GLG1: variants seen among roughly 807,000 people sequenced by gnomAD.
The protein encoded by GLG1 is Golgi apparatus protein 1.
GLG1 carries 38 observed loss-of-function variants against 160.5 expected under a neutral mutation model. The observed-to-expected ratio is 0.24, with a 90% CI of 0.18 to 0.31. The LOEUF is 0.31. GLG1 is among the 10% of genes least tolerant of loss of function. The pLI is 1.00. For missense variants in GLG1, 1,373 were observed against 1,505.2 expected, an observed-to-expected ratio of 0.91 and a Z score of 1.45; for synonymous variants, 644 against 543.4, an observed-to-expected ratio of 1.19 and a Z score of -2.57.
At chr16:74,487,787 C>T (rs1420975008) in intron 8 of GLG1, among the ~76,000 whole-genome samples, 1 of 152,160 alleles carries the variant, frequency 6.6e-6, no homozygotes, top group Non-Finnish European at 1.5e-5. Context: ...CAAATATTTA[C>T]AGGCGAAAAT....
At chr16:74,490,099 C>A (rs999579873) in intron 8 of GLG1, among the ~76,000 whole-genome samples, 1 of 152,172 alleles carries the variant, frequency 6.6e-6, no homozygotes, top group Non-Finnish European at 1.5e-5. Context: ...CTTGTGCTCC[C>A]CAAAGGAAAG....
intron 25 of GLG1, among the ~76,000 whole-genome samples, chr16:74,454,367 C>G (rs2014442146): frequency 6.6e-6 from 1 of 151,130 alleles, no homozygotes; most frequent in African/African-American, 2.4e-5. Context: ...CCATGCCTGG[C>G]TAATTAAAAA....
At chr16:74,472,597 T>G in intron 13 of GLG1, 186 bp from the exon 14 acceptor site, 1 of 1,484,804 alleles carries the variant, frequency 6.7e-7, no homozygotes, top group Non-Finnish European at 9.0e-7. Flanking sequence ...CCGTTATACT[T>G]TGAAAGGCAA....
chr16:74,492,966 C>G lies in GLG1; in HGVS notation c.1225G>C (p.Val409Leu), dbSNP rs775655830. ...AAAATATGAATGCTACCTCTGTGTA[C>G]AGCTGACTCCAGGCACATTAACAAG... ...SYLLMCLESA[V>L]HRGRQVSSEC... Residue 409 changes from valine (V) to leucine (L), a missense_variant, in exon 7 of 26, where the codon GTA becomes CTA. Val to Leu is a conservative substitution (Grantham distance 32). Transcript: ENST00000422840. The G allele has an allele frequency of 6.2e-7, 1 of 1,605,730 alleles. No individual in the cohort carries two copies. The highest frequency in any genetic ancestry group is 1.3e-5 in the African/African-American group (1 of 74,516).
intron 1 of GLG1, 38 bp downstream of exon 1, chr16:74,606,619 C>A: frequency 6.6e-7 from 1 of 1,515,798 alleles, no homozygotes; most frequent in South Asian, 1.3e-5. Context: ...CGGGCCCGCA[C>A]CAGGCCTGGC....
At chr16:74,592,481 T>C (rs1412570949) in intron 1 of GLG1, among the ~76,000 whole-genome samples, 1 of 152,142 alleles carries the variant, frequency 6.6e-6, no homozygotes, top group Non-Finnish European at 1.5e-5. Context: ...TGGAAGAAGC[T>C]CTGGAAGGAT....
At chr16:74,546,676 A>G (rs555804099) in intron 1 of GLG1, among the ~76,000 whole-genome samples, 3 of 151,558 alleles carry the variant, frequency 2.0e-5, no homozygotes, top group Admixed American at 6.6e-5. Flanking sequence ...CGTCTCTACT[A>G]AAAATACAAA....
chr16:74,553,381 G>A (rs1344047349), intron 1 of GLG1, among the ~76,000 whole-genome samples: 1 of 151,526 alleles, frequency 6.6e-6, no homozygotes, highest in Admixed American at 6.6e-5. Context: ...TTCAAAATTT[G>A]ACTATTCTGA....
intron 4 of GLG1, among the ~76,000 whole-genome samples, chr16:74,503,024 T>C (rs2016467036): frequency 1.3e-5 from 2 of 151,610 alleles, no homozygotes; most frequent in African/African-American, 4.8e-5. Flanking sequence ...CTGGCCGACA[T>C]GGCGAAACCC....
intron 2 of GLG1, among the ~76,000 whole-genome samples, chr16:74,522,158 T>C (rs1042696911): frequency 1.3e-5 from 2 of 152,256 alleles, no homozygotes; most frequent in Non-Finnish European, 2.9e-5. Flanking sequence ...AAGAAGTTAA[T>C]AGAATTCAAA....
intron 3 of GLG1, among the ~76,000 whole-genome samples, chr16:74,504,263 G>A (rs998295791): frequency 6.6e-6 from 1 of 152,086 alleles, no homozygotes; most frequent in African/African-American, 2.4e-5. Flanking sequence ...GAGGGAAGGT[G>A]TAATATTACT....
rs774865709 is a variant in GLG1 at position 74,607,074 on chromosome 16, T to C, written c.21A>G (p.Val7=). ...CCGCCGACAAGCGGAACATCCTCCG[T>C]ACACGTCCACACGCCGCCATCTTGA... MAACGR[V]RRMFRLSAAL... is the part of the protein sequence containing the mutation. Residue 7 remains valine, a synonymous_variant, in exon 1 of 26, where the codon GTA becomes GTG. Coordinates refer to ENST00000422840, the MANE Select transcript of GLG1 (RefSeq NM_001145667.2). 133 of 1,568,966 alleles carry C rather than the reference T, an allele frequency of 8.5e-5. 4 individuals carry two copies. The South Asian group carries it at 1.4e-3, about 17-fold the overall frequency.
rs1244365200 is a variant in GLG1, at chr16:74,449,652, C to T, written c.*3515G>A. The T allele has an allele frequency of 1.3e-5, 2 of 152,240 alleles. No individual in the cohort carries two copies. The highest frequency in any genetic ancestry group is 2.9e-5 in the Non-Finnish European group (2 of 68,066). The allele number at this position is 152,240 out of a possible 1,614,324, so 9.4% of individuals were successfully genotyped here. A position where few individuals can be genotyped will look rare whatever the true frequency, so the allele number is the denominator to read the frequency against. On this transcript the variant is annotated 3_prime_UTR_variant, in exon 26 of 26. Coordinates refer to ENST00000422840, the MANE Select transcript of GLG1 (RefSeq NM_001145667.2). ...CAAGAAGAGTAAGGACAGCATGAGA[C>T]AGCCAAAGGCCTGCAGTGTGTTCAA...
In GLG1 at chr16:74,480,318, T is replaced by C. The variant is rs767002320; in HGVS notation, c.1750A>G (p.Ser584Gly). ...LCHTHGWNET[S>G]EFMPQGAVFS... Reference sequence around the variant, plus strand: ...ACAGCTCCCTGAGGCATAAATTCACTGGTCTCATTCCAACCGTGGGTGTGG... The same window carrying C: ...ACAGCTCCCTGAGGCATAAATTCACCGGTCTCATTCCAACCGTGGGTGTGG... The change falls in exon 11 of 26, where the codon AGT (serine) becomes GGT (glycine). Residue 584 changes from serine to glycine, a missense_variant. Coordinates refer to ENST00000422840, the MANE Select transcript of GLG1 (RefSeq NM_001145667.2). 3 of 1,613,010 alleles carry C rather than the reference T, an allele frequency of 1.9e-6. No homozygotes were observed. Among genetic ancestry groups the C allele is most frequent in the African/African-American group, 1.3e-5 (1 of 74,906 alleles).
In GLG1 at chr16:74,562,087, A is replaced by C. The variant is rs79500727; in HGVS notation, c.439-29934T>G. ...TCTCATGCAAGAAGGCTGATGCTAT[A>C]ACAGTAGCTAAAAGGTTGTCAGAAA... is the stretch of plus-strand genomic sequence containing the variant. On this transcript the variant is annotated intron_variant, in intron 1 of 25. Transcript: ENST00000422840. Among the ~76,000 whole-genome samples, 3 of 152,384 alleles carry C rather than the reference A, an allele frequency of 2.0e-5. No homozygotes were observed. In the East Asian group the frequency reaches 5.8e-4, roughly 29 times the overall value.
chr16:74,544,589 C>G (rs2017993204), intron 1 of GLG1, among the ~76,000 whole-genome samples: 1 of 152,196 alleles, frequency 6.6e-6, no homozygotes, highest in Non-Finnish European at 1.5e-5. Flanking sequence ...TCACTGTAAC[C>G]TCCGCCTCCC....
chr16:74,508,538 TC>T (rs955224597), intron 3 of GLG1, among the ~76,000 whole-genome samples: 1 of 152,168 alleles, frequency 6.6e-6, no homozygotes, highest in Non-Finnish European at 1.5e-5. Flanking sequence ...CTGATATGCT[TC>T]AGACACAGCA....
chr16:74,590,054 G>A (rs1231018160), intron 1 of GLG1, among the ~76,000 whole-genome samples: 2 of 151,994 alleles, frequency 1.3e-5, no homozygotes, highest in Non-Finnish European at 2.9e-5. Flanking sequence ...AGGCTGGATG[G>A]AGTGCAGTGA....
chr16:74,582,760 C>T (rs1275873241), intron 1 of GLG1, among the ~76,000 whole-genome samples: 1 of 150,246 alleles, frequency 6.7e-6, no homozygotes, highest in African/African-American at 2.4e-5. Context: ...TGGAGCTTGA[C>T]AGTGAGCCGA....
Sources: gnomAD v4.1 joint callset for allele counts (sites outside exome capture counted in the v4.1 genomes callset) on GRCh38, gnomAD v4.1.1 for gene constraint, MANE v1.5 for transcripts, NCBI Gene and HGNC (gene_info 2026-07-23, HGNC 2026-07-21) for gene names.